The following TMPRSS11E variants were observed in gnomAD, a reference collection of about 807,000 sequenced individuals.
The protein encoded by TMPRSS11E is transmembrane serine protease 11E.
TMPRSS11E carries 38 observed loss-of-function variants against 48.1 expected under a neutral mutation model. The observed-to-expected ratio is 0.79, with a 90% CI of 0.61 to 1.04. The LOEUF (loss-of-function observed/expected upper bound fraction) is 1.04, where lower values mean the gene tolerates loss of function less well. Among genes scored for constraint, TMPRSS11E ranks in the 50% least tolerant of loss-of-function variants. The pLI is 0.00. For synonymous variants in TMPRSS11E, 158 were observed against 171.9 expected, an observed-to-expected ratio of 0.92 and a Z score of 0.63; for missense variants, 530 against 510.8, an observed-to-expected ratio of 1.04 and a Z score of -0.36.
At chr4:68,448,522 A>T (rs183310959) in intron 1 of TMPRSS11E, among the ~76,000 whole-genome samples, 83 of 152,076 alleles carry the variant, frequency 5.5e-4, no homozygotes, top group African/African-American at 1.8e-3. Flanking sequence ...TATAGAAAAC[A>T]GTGCTTCAAG....
At chr4:68,480,544 G>A (rs1184025575) in intron 9 of TMPRSS11E, among the ~76,000 whole-genome samples, 2 of 151,886 alleles carry the variant, frequency 1.3e-5, no homozygotes, top group Admixed American at 6.6e-5. Flanking sequence ...TTTTAAACAT[G>A]ATGGTAATTG....
intron 1 of TMPRSS11E, among the ~76,000 whole-genome samples, chr4:68,456,167 G>A (rs10518052): frequency 0.24 from 35,916 of 151,814 alleles, 4,592 homozygotes; most frequent in Middle Eastern, 0.31. Flanking sequence ...ATCTAACAAA[G>A]TCTATTGATA....
Position 68,477,429 on chromosome 4 carries a change from G to A in TMPRSS11E, c.768G>A (p.Met256Ile). Residue 256 changes from methionine (M) to isoleucine (I), a missense_variant, in exon 8 of 10, where the codon ATG becomes ATA. Coordinates refer to ENST00000305363, the MANE Select transcript of TMPRSS11E (RefSeq NM_014058.4). ...GAGTAACAATAAAACCTTCGAAAAT[G>A]AAACGGGGTCTCCGGAGAATAATTG... ...SFGVTIKPSKMKRGLRRIIVH... is the reference protein window; with the variant it reads ...SFGVTIKPSKIKRGLRRIIVH... 6.2e-7 allele frequency: 1 copy of A among 1,614,042 alleles called. No homozygotes were observed. The highest frequency in any genetic ancestry group is 8.5e-7 in the Non-Finnish European group (1 of 1,179,958).
chr4:68,491,262 A>G (rs1729711792), intron 9 of TMPRSS11E, among the ~76,000 whole-genome samples: 1 of 131,586 alleles, frequency 7.6e-6, no homozygotes, highest in Non-Finnish European at 1.5e-5. Flanking sequence ...GCAGGTTGCC[A>G]GGTTGCTGGC....
At chr4:68,466,219 G>A (rs934685962) in intron 2 of TMPRSS11E, among the ~76,000 whole-genome samples, 1 of 152,128 alleles carries the variant, frequency 6.6e-6, no homozygotes, top group African/African-American at 2.4e-5. Flanking sequence ...ATAGTTGATG[G>A]AAGGGAAAAG....
At chr4:68,490,823 A>G (rs1269034416) in intron 9 of TMPRSS11E, among the ~76,000 whole-genome samples, 4 of 124,900 alleles carry the variant, frequency 3.2e-5, no homozygotes, top group Non-Finnish European at 4.6e-5. Context: ...CAGTGGTGCC[A>G]TCTTGGCTCA....
Position 68,496,991 on chromosome 4 carries a change from C to A in TMPRSS11E, c.*187C>A. ...CCGCACATAAGCATCCTGCTTCTGC[C>A]AGATCAACTCTGTCATCTGTGAGCA... is the stretch of plus-strand genomic sequence containing the variant. On this transcript the variant is annotated 3_prime_UTR_variant, in exon 10 of 10. Transcript: ENST00000305363. 1.8e-6 allele frequency: 1 copy of A among 552,300 alleles called. No homozygotes were observed. The highest frequency in any genetic ancestry group is 3.2e-6 in the Non-Finnish European group (1 of 313,330). The allele number at this position is 552,300 out of a possible 1,614,324, so 34.2% of individuals were successfully genotyped here.
Position 68,477,391 on chromosome 4 carries a change from A to T in TMPRSS11E, c.730A>T (p.Thr244Ser). 6.2e-7 allele frequency: 1 copy of T among 1,613,930 alleles called. No homozygotes were observed. The highest frequency in any genetic ancestry group is 8.5e-7 in the Non-Finnish European group (1 of 1,179,888). ...FTTYKNPARW[T>S]ASFGVTIKPS... The stretch of plus-strand genomic sequence containing the variant: ...CAGATATAAGAACCCTGCCAGATGG[A>T]CTGCTTCCTTTGGAGTAACAATAAA... The change falls in exon 8 of 10, where the codon ACT (threonine) becomes TCT (serine). Residue 244 changes from threonine to serine, a missense_variant. Physicochemically the swap from Thr to Ser is moderately conservative, Grantham distance 58 (BLOSUM62 1). Transcript: ENST00000305363.
intron 9 of TMPRSS11E, among the ~76,000 whole-genome samples, chr4:68,480,985 G>A (rs1729384478): frequency 6.6e-5 from 10 of 152,092 alleles, no homozygotes; most frequent in Admixed American, 6.6e-4. Context: ...GCCCCAGTAT[G>A]TATTGTTCCT....
intron 1 of TMPRSS11E, among the ~76,000 whole-genome samples, 186 bp downstream of exon 1, chr4:68,447,709 C>T (rs1158203801): frequency 6.6e-6 from 1 of 151,560 alleles, no homozygotes; most frequent in Non-Finnish European, 1.5e-5. Context: ...ATTAGTGTTT[C>T]CTGTCCTCTT....
At chr4:68,475,927 G>A (rs1481046578) in intron 6 of TMPRSS11E, among the ~76,000 whole-genome samples, 3 of 152,294 alleles carry the variant, frequency 2.0e-5, no homozygotes, top group Admixed American at 2.0e-4. Context: ...CACATACAGA[G>A]TGTGTTTGTT....
chr4:68,476,335 G>T lies in TMPRSS11E; in HGVS notation c.604G>T (p.Glu202Ter). Residue 202 changes from glutamate (E) to a stop codon, truncating the protein, a stop_gained, in exon 7 of 10, where the codon GAA (glutamate) becomes TAA (stop). Coordinates refer to ENST00000305363, the MANE Select transcript of TMPRSS11E (RefSeq NM_014058.4). LOFTEE classifies it high-confidence loss of function. Reference sequence around the variant, plus strand: ...TGGTGGGACAGAAGTAGAAGAGGGTGAATGGCCCTGGCAGGCTAGCCTGCA... The same window carrying T: ...TGGTGGGACAGAAGTAGAAGAGGGTTAATGGCCCTGGCAGGCTAGCCTGCA... The part of the protein sequence containing the change: ...IVGGTEVEEG[E>*]WPWQASLQWD... 1 of 1,614,184 alleles carries T rather than the reference G, an allele frequency of 6.2e-7. No homozygotes were observed. Among genetic ancestry groups the T allele is most frequent in the Non-Finnish European group, 8.5e-7 (1 of 1,180,000 alleles).
In TMPRSS11E at chr4:68,496,747, T is replaced by C. The variant is rs1221717987; in HGVS notation, c.1215T>C (p.Gly405=). Residue 405 remains glycine, a synonymous_variant, in exon 10 of 10, where the codon GGT becomes GGC. Coordinates refer to ENST00000305363, the MANE Select transcript of TMPRSS11E (RefSeq NM_014058.4). The part of the protein sequence containing the change: ...GDECAKPNKP[G]VYTRVTALRD... ...AATGTGCGAAACCCAACAAGCCTGGTGTTTATACTAGAGTTACGGCCTTGC... is the reference window on the plus strand; with the variant it reads ...AATGTGCGAAACCCAACAAGCCTGGCGTTTATACTAGAGTTACGGCCTTGC... The C allele has an allele frequency of 6.2e-7, 1 of 1,613,684 alleles. No homozygotes were observed. The highest frequency in any genetic ancestry group is 8.5e-7 in the Non-Finnish European group (1 of 1,179,684).
chr4:68,448,213 T>G (rs1728393472), intron 1 of TMPRSS11E, among the ~76,000 whole-genome samples: 1 of 151,984 alleles, frequency 6.6e-6, no homozygotes, highest in South Asian at 2.1e-4. Context: ...TCTCTGATTC[T>G]CATATTGGCA....
chr4:68,494,409 A>C (rs1167984496), intron 9 of TMPRSS11E, among the ~76,000 whole-genome samples: 1 of 152,082 alleles, frequency 6.6e-6, no homozygotes, highest in Non-Finnish European at 1.5e-5. Context: ...TGTTTCCTCC[A>C]CATGTATTCA....
At position 68,477,567 on chromosome 4, in the gene TMPRSS11E, CTA is replaced by C; in HGVS notation, c.908_909del (p.Tyr303Ter). 1 of 1,614,084 alleles carries C rather than the reference CTA, an allele frequency of 6.2e-7. No individual in the cohort carries two copies. The highest frequency in any genetic ancestry group is 1.3e-5 in the African/African-American group (1 of 75,042). The stretch of plus-strand genomic sequence containing the variant: ...ATAGAGTTTGTCTCCCTGATGCATC[CTA>C]TGAGTTTCAACCAGGTGATGTGATG... Reference protein sequence around the residue: ...VHRVCLPDASYEFQPGDVMFV... With the variant: ...VHRVCLPDASXEFQPGDVMFV... On this transcript the variant is annotated frameshift_variant, in exon 8 of 10. Transcript: ENST00000305363. LOFTEE classifies it high-confidence loss of function.
Position 68,477,490 on chromosome 4 carries a change from G to A in TMPRSS11E, c.829G>A (p.Asp277Asn). The A allele has an allele frequency of 6.2e-7, 1 of 1,614,006 alleles. No individual in the cohort carries two copies. The highest frequency in any genetic ancestry group is 8.5e-7 in the Non-Finnish European group (1 of 1,179,980). ...ATACAAACACCCATCACATGACTAT[G>A]ATATTTCTCTTGCAGAGCTTTCTAG... Reference protein sequence around the residue: ...EKYKHPSHDYDISLAELSSPV... With the variant: ...EKYKHPSHDYNISLAELSSPV... The change falls in exon 8 of 10, where the codon GAT becomes AAT. Residue 277 changes from aspartate (D) to asparagine (N), a missense_variant. Transcript: ENST00000305363.
intron 4 of TMPRSS11E, among the ~76,000 whole-genome samples, chr4:68,469,680 T>A (rs571450678): frequency 1.3e-5 from 2 of 152,014 alleles, no homozygotes; most frequent in South Asian, 4.1e-4. Context: ...TATCTTTAAG[T>A]TTCACTTTCT....
chr4:68,478,852 A>G lies in TMPRSS11E; in HGVS notation c.971A>G (p.Tyr324Cys), dbSNP rs1317824207. Residue 324 changes from tyrosine to cysteine, a missense_variant, in exon 9 of 10, where the codon TAC (tyrosine) becomes TGC (cysteine). By Grantham distance (194) the Tyr-to-Cys change is radical. Transcript: ENST00000305363. The part of the protein sequence containing the change: ...TGFGALKNDG[Y>C]SQNHLRQAQV... Reference sequence around the variant, plus strand: ...CAAAGACTTTTTTTTCTTTTAGGTTACAGTCAAAATCATCTTCGACAAGCA... The same window carrying G: ...CAAAGACTTTTTTTTCTTTTAGGTTGCAGTCAAAATCATCTTCGACAAGCA... 2 of 1,612,906 alleles carry G rather than the reference A, an allele frequency of 1.2e-6. No individual in the cohort carries two copies. The highest frequency in any genetic ancestry group is 8.5e-7 in the Non-Finnish European group (1 of 1,179,690).
Sources: allele counts gnomAD v4.1 joint callset (sites outside exome capture counted in the v4.1 genomes callset), GRCh38; gene constraint gnomAD v4.1.1; transcripts MANE v1.5; gene names NCBI Gene and HGNC (gene_info 2026-07-23, HGNC 2026-07-21).